ASIC2: variants seen among roughly 807,000 people sequenced by gnomAD.
ASIC2 encodes acid sensing ion channel subunit 2.
Under a neutral mutation model 57.3 loss-of-function variants are expected in ASIC2, and 25 were observed. That is an observed-to-expected ratio of 0.44 (90% CI 0.32 to 0.61). The LOEUF (loss-of-function observed/expected upper bound fraction) is 0.61, where lower values mean the gene tolerates loss of function less well. Ranked by LOEUF, ASIC2 falls within the 20% of genes least tolerant of loss-of-function variation. The probability of loss-of-function intolerance (pLI) is 0.06; values close to 1 mark genes in which losing one functional copy is unlikely to be tolerated. For synonymous variants in ASIC2, 319 were observed against 307.5 expected (o/e 1.04, Z -0.39); for missense variants, 641 against 738.1 (o/e 0.87, Z 1.52).
chr17:33,360,803 A>G (rs1219197357), intron 1 of ASIC2, among the ~76,000 whole-genome samples: 1 of 152,014 alleles, frequency 6.6e-6, no homozygotes, highest in Non-Finnish European at 1.5e-5. Context: ...GTATTAATAT[A>G]TTTTTCACTT....
intron 1 of ASIC2, among the ~76,000 whole-genome samples, chr17:33,188,011 A>G (rs1013297336): frequency 6.6e-6 from 1 of 152,122 alleles, no homozygotes; most frequent in East Asian, 1.9e-4. Flanking sequence ...CATCGAAATG[A>G]CACAAATAAT....
At chr17:33,885,514 C>A (rs576154975) in intron 1 of ASIC2, among the ~76,000 whole-genome samples, 1 of 152,236 alleles carries the variant, frequency 6.6e-6, no homozygotes, top group South Asian at 2.1e-4. Flanking sequence ...TAAATTTAAA[C>A]CTTCCCAGAA....
chr17:33,981,081 G>A (rs947409760), intron 1 of ASIC2, among the ~76,000 whole-genome samples: 3 of 151,892 alleles, frequency 2.0e-5, no homozygotes, highest in Non-Finnish European at 2.9e-5. Flanking sequence ...GACCACAGGC[G>A]TGCACAATCT....
chr17:33,016,430 C>T (rs1176085239), intron 8 of ASIC2, among the ~76,000 whole-genome samples: 1 of 152,106 alleles, frequency 6.6e-6, no homozygotes, highest in African/African-American at 2.4e-5. Flanking sequence ...ACTTGCTAGG[C>T]CTGACACTGC....
intron 1 of ASIC2, among the ~76,000 whole-genome samples, chr17:33,446,722 C>T (rs1310189055): frequency 6.6e-6 from 1 of 152,172 alleles, no homozygotes; most frequent in East Asian, 1.9e-4. Context: ...GTACCTTGCA[C>T]AGACCCAGAA....
chr17:33,579,218 A>T (rs890582205), intron 1 of ASIC2, among the ~76,000 whole-genome samples: 2 of 149,478 alleles, frequency 1.3e-5, no homozygotes, highest in Admixed American at 6.7e-5. Context: ...CCCGGGAGGC[A>T]GAGGTTGCAG....
intron 1 of ASIC2, among the ~76,000 whole-genome samples, chr17:33,928,529 C>T (rs779709723): frequency 6.6e-6 from 1 of 152,210 alleles, no homozygotes; most frequent in Non-Finnish European, 1.5e-5. Flanking sequence ...GGCCCAAGTG[C>T]AGCCAAACCA....
At chr17:33,221,559 G>A (rs1907692127) in intron 1 of ASIC2, among the ~76,000 whole-genome samples, 1 of 152,030 alleles carries the variant, frequency 6.6e-6, no homozygotes, top group South Asian at 2.1e-4. Flanking sequence ...GCACTGACAA[G>A]AAAAACAAAG....
chr17:33,397,662 G>T (rs1159141229), intron 1 of ASIC2, among the ~76,000 whole-genome samples: 1 of 152,138 alleles, frequency 6.6e-6, no homozygotes, highest in African/African-American at 2.4e-5. Flanking sequence ...CAGGGTAGAG[G>T]CCAAGAGATA....
intron 1 of ASIC2, among the ~76,000 whole-genome samples, chr17:33,505,574 A>G (rs1332800218): frequency 6.6e-6 from 1 of 152,192 alleles, no homozygotes; most frequent in African/African-American, 2.4e-5. Flanking sequence ...GTTCCCCATC[A>G]TCGGTAGCAT....
intron 1 of ASIC2, among the ~76,000 whole-genome samples, chr17:34,053,030 G>A (rs1908628585): frequency 6.6e-6 from 1 of 151,940 alleles, no homozygotes; most frequent in African/African-American, 2.4e-5. Flanking sequence ...CCTAGGCTTG[G>A]AGGGATAAAA....
Position 33,797,888 on chromosome 17 carries a change from G to T in ASIC2, c.555+358090C>A, listed in dbSNP as rs1911967492. On this transcript the variant is annotated intron_variant, in intron 1 of 9. Coordinates refer to the ASIC2 transcript ENST00000359872. ...CTTCCTACAACTTCAGCATCCTATG[G>T]CTTCCTCCTTCTCATCACTCACAGG... 2.0e-5 allele frequency among the ~76,000 whole-genome samples: 3 copies of T among 152,172 alleles called. No homozygotes were observed. In the South Asian group the frequency reaches 6.2e-4, roughly 31 times the overall value.
At chr17:33,905,734 G>A (rs961551337) in intron 1 of ASIC2, among the ~76,000 whole-genome samples, 1 of 152,334 alleles carries the variant, frequency 6.6e-6, no homozygotes, top group Non-Finnish European at 1.5e-5. Context: ...AGGGAAATGT[G>A]ATAGTCTGAC....
intron 1 of ASIC2, among the ~76,000 whole-genome samples, chr17:33,981,636 A>T (rs1905627972): frequency 6.7e-6 from 1 of 149,978 alleles, no homozygotes; most frequent in Non-Finnish European, 1.5e-5. Flanking sequence ...GAGAGAAAGG[A>T]AGGGAGGGTG....
intron 1 of ASIC2, among the ~76,000 whole-genome samples, chr17:33,330,814 G>T (rs530975960): frequency 1.8e-4 from 27 of 152,188 alleles, no homozygotes; most frequent in Non-Finnish European, 3.5e-4. Context: ...CTGTGGGGTC[G>T]ACATCTTCAT....
intron 1 of ASIC2, among the ~76,000 whole-genome samples, chr17:33,741,544 G>T (rs928029645): frequency 6.6e-6 from 1 of 152,168 alleles, no homozygotes; most frequent in Admixed American, 6.5e-5. Flanking sequence ...ATTCCAAGGG[G>T]GCATAAAGAT....
At chr17:33,047,082 T>C (rs1353022460) in intron 3 of ASIC2, among the ~76,000 whole-genome samples, 1 of 152,260 alleles carries the variant, frequency 6.6e-6, no homozygotes, top group African/African-American at 2.4e-5. Context: ...GCAGTTGCCA[T>C]AAAATTCATC....
intron 1 of ASIC2, among the ~76,000 whole-genome samples, chr17:33,132,285 T>C (rs1233918365): frequency 6.6e-6 from 1 of 152,116 alleles, no homozygotes; most frequent in Non-Finnish European, 1.5e-5. Context: ...CCAAACTGGG[T>C]AGTTAGTGAA....
chr17:34,010,399 G>A (rs576983557), intron 1 of ASIC2, among the ~76,000 whole-genome samples: 1 of 152,166 alleles, frequency 6.6e-6, no homozygotes, highest in South Asian at 2.1e-4. Flanking sequence ...CCACTGGGCT[G>A]TATCCTGGGT....
Sources: allele counts gnomAD v4.1 joint callset (sites outside exome capture counted in the v4.1 genomes callset), GRCh38; gene constraint gnomAD v4.1.1; transcripts MANE v1.5; gene names NCBI Gene and HGNC (gene_info 2026-07-23, HGNC 2026-07-21).